ATP6V1H: variants seen among roughly 807,000 people sequenced by gnomAD.
ATP6V1H encodes the protein V-type proton ATPase subunit H.
In ATP6V1H, 39 loss-of-function variants were observed where a neutral mutation model predicts 71.7. The observed-to-expected ratio is 0.54, with a 90% confidence interval of 0.42 to 0.71. The LOEUF is 0.71. Ranked by LOEUF, ATP6V1H falls within the 30% of genes least tolerant of loss-of-function variation. The pLI, the probability that ATP6V1H is intolerant of heterozygous loss-of-function variation, is 0.00. For missense variants in ATP6V1H, 509 were observed against 594.9 expected (o/e 0.86, Z 1.50); for synonymous variants, 192 against 199.3 (o/e 0.96, Z 0.31).
Position 53,736,769 on chromosome 8 carries a change from G to A in ATP6V1H, c.1391+6808C>T, listed in dbSNP as rs1807219329. 2.0e-5 allele frequency among the ~76,000 whole-genome samples: 3 copies of A among 152,098 alleles called. No individual in the cohort carries two copies. In the South Asian group the frequency reaches 6.2e-4, roughly 31 times the overall value. ...ACTAATAAGTGAGATTCTCACAGGG[G>A]GGAATAAGGAAGGAGACCACCTCTC... On this transcript the variant is annotated intron_variant, in intron 13 of 13. Coordinates refer to ENST00000359530, the MANE Select transcript of ATP6V1H (RefSeq NM_015941.4).
At chr8:53,718,501 C>A (rs1312452285) in intron 13 of ATP6V1H, among the ~76,000 whole-genome samples, 2 of 151,668 alleles carry the variant, frequency 1.3e-5, no homozygotes, top group Non-Finnish European at 2.9e-5. Context: ...GCCATCCTCC[C>A]ACCCCAGCCT....
chr8:53,820,212 C>T (rs1415519551), intron 4 of ATP6V1H, among the ~76,000 whole-genome samples: 1 of 151,754 alleles, frequency 6.6e-6, no homozygotes, highest in Non-Finnish European at 1.5e-5. Context: ...AAAAAGAGTA[C>T]TGGTAGACCA....
chr8:53,742,352 G>A (rs1807444532), intron 13 of ATP6V1H, among the ~76,000 whole-genome samples: 1 of 152,144 alleles, frequency 6.6e-6, no homozygotes, highest in African/African-American at 2.4e-5. Context: ...CCTGTACATT[G>A]CTTTAAACAA....
At position 53,733,727 on chromosome 8, in the gene ATP6V1H, A is replaced by T. The variant is rs191722648; in HGVS notation, c.1391+9850T>A. The stretch of plus-strand genomic sequence containing the variant: ...GGTTATGGATCCCAAACTTGGCAGT[A>T]CTGGCCAAACCTCTGTACCAAGTCA... On this transcript the variant is annotated intron_variant, in intron 13 of 13. Coordinates refer to ENST00000359530, the MANE Select transcript of ATP6V1H (RefSeq NM_015941.4). Among the ~76,000 whole-genome samples, 4 of 152,278 alleles carry T rather than the reference A, an allele frequency of 2.6e-5. No individual in the cohort carries two copies. In the East Asian group the frequency reaches 7.7e-4, roughly 29 times the overall value.
intron 11 of ATP6V1H, among the ~76,000 whole-genome samples, chr8:53,767,174 C>CG (rs1808501123): frequency 6.6e-6 from 1 of 152,162 alleles, no homozygotes; most frequent in South Asian, 2.1e-4. Flanking sequence ...ACGTGATTTT[C>CG]GGGGCAGGTT....
At chr8:53,717,135 T>C (rs961166636) in intron 13 of ATP6V1H, among the ~76,000 whole-genome samples, 6 of 152,168 alleles carry the variant, frequency 3.9e-5, no homozygotes, top group Non-Finnish European at 8.8e-5. Context: ...GGGCCACCGA[T>C]GTACACAGGT....
intron 13 of ATP6V1H, among the ~76,000 whole-genome samples, chr8:53,725,155 T>C (rs1050111328): frequency 6.6e-6 from 1 of 152,162 alleles, no homozygotes; most frequent in Non-Finnish European, 1.5e-5. Context: ...ATGAGAGCTC[T>C]GCCCTCATGA....
intron 13 of ATP6V1H, among the ~76,000 whole-genome samples, chr8:53,717,588 A>C (rs1027549297): frequency 6.6e-6 from 1 of 152,226 alleles, no homozygotes; most frequent in Non-Finnish European, 1.5e-5. Flanking sequence ...CCAGAAGTTA[A>C]GTTCACGCAA....
At chr8:53,720,984 TTTC>T (rs1289970053) in intron 13 of ATP6V1H, among the ~76,000 whole-genome samples, 1 of 152,338 alleles carries the variant, frequency 6.6e-6, no homozygotes, top group East Asian at 1.9e-4. Flanking sequence ...CATAATTACG[TTTC>T]TTAATCTTTA....
intron 7 of ATP6V1H, among the ~76,000 whole-genome samples, chr8:53,804,970 G>T (rs953047032): frequency 1.3e-5 from 2 of 152,166 alleles, no homozygotes; most frequent in Non-Finnish European, 2.9e-5. Context: ...TCACCTTCCT[G>T]GTGAATGTGG....
chr8:53,774,387 G>A (rs1433011173), intron 9 of ATP6V1H, among the ~76,000 whole-genome samples: 1 of 152,184 alleles, frequency 6.6e-6, no homozygotes. Flanking sequence ...TCATTTCAGA[G>A]AGAGAGGACA....
chr8:53,731,333 G>A (rs917125026), intron 13 of ATP6V1H, among the ~76,000 whole-genome samples: 1 of 152,184 alleles, frequency 6.6e-6, no homozygotes, highest in Non-Finnish European at 1.5e-5. Flanking sequence ...GAAAAAGAAA[G>A]AGGAAGTAAA....
At chr8:53,775,219 T>C (rs1021593968) in intron 9 of ATP6V1H, among the ~76,000 whole-genome samples, 22 of 152,184 alleles carry the variant, frequency 1.4e-4, no homozygotes, top group Non-Finnish European at 2.9e-5. Context: ...GGTAGGTTCA[T>C]GGTCTCGCTG....
chr8:53,812,740 G>C (rs370443788), intron 6 of ATP6V1H, among the ~76,000 whole-genome samples: 1 of 152,118 alleles, frequency 6.6e-6, no homozygotes, highest in African/African-American at 2.4e-5. Context: ...GTCACTCAGG[G>C]TGGAGTGCAG....
In ATP6V1H at chr8:53,756,581, A is replaced by G. The variant is rs758827306; in HGVS notation, c.1251T>C (p.Tyr417=). The G allele has an allele frequency of 8.7e-6, 14 of 1,613,974 alleles. No individual in the cohort carries two copies. Among genetic ancestry groups the G allele is most frequent in the South Asian group, 1.1e-5 (1 of 91,082 alleles). ...LAVAAHDVGE[Y]VRHYPRGKRV... ...GTTTGCCTCGTGGATAATGCCGCAC[A>G]TATTCTCCAACATCGTGAGCAGCAA... The change falls in exon 12 of 14, where the codon TAT becomes TAC. Residue 417 remains tyrosine (Y), a synonymous_variant. Coordinates refer to ENST00000359530, the MANE Select transcript of ATP6V1H (RefSeq NM_015941.4).
At chr8:53,736,225 C>T (rs895551512) in intron 13 of ATP6V1H, among the ~76,000 whole-genome samples, 1 of 152,128 alleles carries the variant, frequency 6.6e-6, no homozygotes, top group Non-Finnish European at 1.5e-5. Context: ...TCAAAGAACC[C>T]AGACCCGTCT....
At chr8:53,776,040 C>T (rs1201470460) in intron 9 of ATP6V1H, among the ~76,000 whole-genome samples, 1 of 152,204 alleles carries the variant, frequency 6.6e-6, no homozygotes, top group Non-Finnish European at 1.5e-5. Flanking sequence ...CGAGGCCTGC[C>T]CCGCGGGAAG....
chr8:53,809,365 C>G (rs1810199984), intron 7 of ATP6V1H, among the ~76,000 whole-genome samples: 1 of 152,180 alleles, frequency 6.6e-6, no homozygotes, highest in Non-Finnish European at 1.5e-5. Flanking sequence ...ACACCCTACT[C>G]TCAACACATG....
At chr8:53,773,717 G>A (rs1309852542) in intron 9 of ATP6V1H, among the ~76,000 whole-genome samples, 1 of 152,148 alleles carries the variant, frequency 6.6e-6, no homozygotes. Flanking sequence ...TACAGCTCCA[G>A]AATGAACCAG....
Sources: allele counts gnomAD v4.1 joint callset (sites outside exome capture counted in the v4.1 genomes callset), GRCh38; gene constraint gnomAD v4.1.1; transcripts MANE v1.5; gene names NCBI Gene and HGNC (gene_info 2026-07-23, HGNC 2026-07-21).